POPDC1: variants seen among roughly 807,000 people sequenced by gnomAD.
POPDC1 encodes the protein popeye domain-containing protein 1.
the POPDC1 span, among the ~76,000 whole-genome samples, chr6:105,128,754 T>A: frequency 2.7e-3 from 411 of 152,298 alleles, 5 homozygotes; most frequent in African/African-American, 9.4e-3. Context: ...ATTATATCTT[T>A]TACTTTACTG....
chr6:105,107,005 T>C, the POPDC1 span, among the ~76,000 whole-genome samples: 3 of 152,182 alleles, frequency 2.0e-5, no homozygotes, highest in African/African-American at 4.8e-5. Flanking sequence ...TTTTTTACTA[T>C]AGTCATCCTG....
At chr6:105,100,542 G>GTA in the POPDC1 span, 1 of 134,348 alleles carries the variant, frequency 7.4e-6, no homozygotes, top group African/African-American at 2.9e-5. Flanking sequence ...ATGTGTGTAT[G>GTA]TATATATATG....
the POPDC1 span, among the ~76,000 whole-genome samples, chr6:105,115,525 G>A: frequency 6.6e-6 from 1 of 152,174 alleles, no homozygotes. Flanking sequence ...ATGCAATATG[G>A]GGGAAATGCT....
the POPDC1 span, among the ~76,000 whole-genome samples, chr6:105,113,817 A>ATTTT: frequency 6.5e-4 from 31 of 47,708 alleles, 1 homozygote; most frequent in Non-Finnish European, 1.0e-3. Flanking sequence ...GATGCCTGGC[A>ATTTT]TTTTTTTTTT....
chr6:105,119,629 T>C, the POPDC1 span, among the ~76,000 whole-genome samples: 5 of 152,224 alleles, frequency 3.3e-5, no homozygotes, highest in Non-Finnish European at 7.3e-5. Context: ...CAGTTAGGAC[T>C]GATGTTCCTT....
the POPDC1 span, among the ~76,000 whole-genome samples, chr6:105,101,899 C>G: frequency 6.6e-6 from 1 of 152,184 alleles, no homozygotes; most frequent in Non-Finnish European, 1.5e-5. Context: ...ATGCATTCAC[C>G]AAATGGTTAT....
the POPDC1 span, chr6:105,100,955 T>A: frequency 9.3e-7 from 1 of 1,071,952 alleles, no homozygotes; most frequent in Non-Finnish European, 1.3e-6. Context: ...TGACCCTTCC[T>A]CACTTCCTCC....
the POPDC1 span, among the ~76,000 whole-genome samples, chr6:105,114,956 T>TA: frequency 2.0e-5 from 3 of 152,228 alleles, no homozygotes; most frequent in Non-Finnish European, 4.4e-5. Flanking sequence ...TACCATTTAG[T>TA]AAAACATTTC....
chr6:105,121,792 A>C, the POPDC1 span, among the ~76,000 whole-genome samples: 2 of 152,198 alleles, frequency 1.3e-5, no homozygotes, highest in Non-Finnish European at 2.9e-5. Flanking sequence ...CATTGAGTCC[A>C]CTTGCCTTCT....
the POPDC1 span, among the ~76,000 whole-genome samples, chr6:105,117,085 CTG>C: frequency 6.6e-6 from 1 of 152,188 alleles, no homozygotes; most frequent in African/African-American, 2.4e-5. Context: ...AGCAAATTCT[CTG>C]TGTTTCCTTG....
chr6:105,115,958 G>T, the POPDC1 span: 1 of 726,588 alleles, frequency 1.4e-6, no homozygotes. Flanking sequence ...CATATTAGGT[G>T]GCCAATAAAC....
the POPDC1 span, among the ~76,000 whole-genome samples, chr6:105,117,865 G>A: frequency 6.6e-6 from 1 of 152,058 alleles, no homozygotes; most frequent in African/African-American, 2.4e-5. Context: ...ACACAACATG[G>A]CAAAACCCTG....
the POPDC1 span, chr6:105,136,101 G>GA: frequency 9.2e-5 from 14 of 152,230 alleles, no homozygotes; most frequent in East Asian, 7.7e-4. Context: ...CTAAAAAAAT[G>GA]AAAAAGATAA....
chr6:105,117,105 G>A, the POPDC1 span, among the ~76,000 whole-genome samples: 1 of 152,160 alleles, frequency 6.6e-6, no homozygotes, highest in African/African-American at 2.4e-5. Flanking sequence ...TTGTTGTTTT[G>A]TTTTGTGAGG....
chr6:105,103,125 C>T, the POPDC1 span, among the ~76,000 whole-genome samples: 4 of 152,014 alleles, frequency 2.6e-5, no homozygotes, highest in Admixed American at 6.5e-5. Context: ...TCTATCTGTG[C>T]GACCTTGGAC....
chr6:105,107,806 G>A, the POPDC1 span, among the ~76,000 whole-genome samples: 7 of 152,154 alleles, frequency 4.6e-5, no homozygotes, highest in South Asian at 4.2e-4. Flanking sequence ...GGATTTAATG[G>A]CTTTTTTTTT....
chr6:105,122,059 G>A, the POPDC1 span, among the ~76,000 whole-genome samples: 3 of 152,158 alleles, frequency 2.0e-5, no homozygotes, highest in Admixed American at 1.3e-4. Flanking sequence ...TTGGGAACTT[G>A]CATAGGTAAG....
the POPDC1 span, among the ~76,000 whole-genome samples, chr6:105,114,053 A>G: frequency 6.6e-6 from 1 of 152,156 alleles, no homozygotes; most frequent in Non-Finnish European, 1.5e-5. Context: ...GGAAAACAAC[A>G]TGCTTATCAT....
At chr6:105,125,436 T>C in the POPDC1 span, 9 of 1,614,108 alleles carry the variant, frequency 5.6e-6, no homozygotes, top group Non-Finnish European at 2.5e-6. Flanking sequence ...TGAGGTTTTA[T>C]CCTCTGCAGC....
Sources: gnomAD v4.1 joint callset for allele counts (sites outside exome capture counted in the v4.1 genomes callset) on GRCh38, gnomAD v4.1.1 for gene constraint, MANE v1.5 for transcripts, NCBI Gene and HGNC (gene_info 2026-07-23, HGNC 2026-07-21) for gene names.